Variants in TRPM4 observed in about 807,000 individuals in gnomAD.
TRPM4 encodes transient receptor potential cation channel subfamily M member 4.
Under a neutral mutation model 135.6 loss-of-function variants are expected in TRPM4, and 124 were observed. The observed-to-expected ratio is 0.91, with a 90% CI of 0.79 to 1.06. The LOEUF (loss-of-function observed/expected upper bound fraction) is 1.06. Ranked by LOEUF, TRPM4 falls within the 50% of genes least tolerant of loss-of-function variation. The probability of loss-of-function intolerance (pLI) is 0.00; values close to 1 mark genes in which losing one functional copy is unlikely to be tolerated. For synonymous variants in TRPM4, 745 were observed against 705.6 expected, an observed-to-expected ratio of 1.06 and a Z score of -0.88; for missense variants, 1,658 against 1,671.4, an observed-to-expected ratio of 0.99 and a Z score of 0.14.
rs1425957679 is a variant in TRPM4, at chr19:49,195,701, T to TTTC, written c.2211-738_2211-737insTCT. On this transcript the variant is annotated intron_variant, in intron 16 of 24. Transcript: ENST00000252826. Reference sequence around the variant, plus strand: ...TACTTTAATTTTTTTTTTTTTTTTTTTAGACAGGGTCTCGCTCTATTGCCC... The same window carrying TTTC: ...TACTTTAATTTTTTTTTTTTTTTTTTTTCTAGACAGGGTCTCGCTCTATTGCCC... Among the ~76,000 whole-genome samples, 197 of 149,878 alleles carry TTTC rather than the reference T, an allele frequency of 1.3e-3. 1 individual carries two copies. The highest frequency in any genetic ancestry group is 4.6e-3 in the African/African-American group (190 of 40,900).
chr19:49,189,575 C>A (rs1033595417), intron 14 of TRPM4, among the ~76,000 whole-genome samples: 5 of 150,108 alleles, frequency 3.3e-5, no homozygotes, highest in African/African-American at 1.2e-4. Flanking sequence ...AAACTTTGGT[C>A]TAGGAAATCT....
Position 49,201,944 on chromosome 19 carries a change from C to T in TRPM4, c.2954-20C>T, listed in dbSNP as rs551265287. The T allele has an allele frequency of 1.2e-6, 2 of 1,612,852 alleles. No homozygotes were observed. Among genetic ancestry groups the T allele is most frequent in the East Asian group, 2.2e-5 (1 of 44,876 alleles). On this transcript the variant is annotated intron_variant, in intron 19 of 24. Transcript: ENST00000252826. Reference sequence around the variant, plus strand: ...GGTCTCTGTCCCCCTCACCCCATCTCTGAATGTCTCTCTTCACAGTGGCCC... The same window carrying T: ...GGTCTCTGTCCCCCTCACCCCATCTTTGAATGTCTCTCTTCACAGTGGCCC...
intron 16 of TRPM4, among the ~76,000 whole-genome samples, chr19:49,191,428 C>T (rs906245523): frequency 2.0e-5 from 3 of 151,558 alleles, no homozygotes; most frequent in Non-Finnish European, 4.4e-5. Context: ...CTGGTGTCAA[C>T]CTCCTGACCT....
In TRPM4 at chr19:49,210,169, G is replaced by A. The variant is rs940822579; in HGVS notation, c.3132-40G>A. ...AACCTTCGTCCTTGCCCCTGGCTGG[G>A]CCCTGACCTCAAGTGACCTTTGACC... On this transcript the variant is annotated intron_variant, in intron 20 of 24. Transcript: ENST00000252826. This position sits in a 1 kb window ranked among gnomAD's most constrained non-coding sequence, Gnocchi z 4.1. 1.9e-6 allele frequency: 3 copies of A among 1,610,400 alleles called. No individual in the cohort carries two copies. The highest frequency in any genetic ancestry group is 1.7e-6 in the Non-Finnish European group (2 of 1,176,574).
chr19:49,163,518 G>T (rs1238389254), intron 2 of TRPM4, among the ~76,000 whole-genome samples: 1 of 151,930 alleles, frequency 6.6e-6, no homozygotes, highest in Non-Finnish European at 1.5e-5. Flanking sequence ...TAGTGACATG[G>T]TCTTGCTCTG....
chr19:49,205,551 T>G (rs1019539205), intron 20 of TRPM4, among the ~76,000 whole-genome samples: 2 of 146,284 alleles, frequency 1.4e-5, no homozygotes, highest in African/African-American at 5.2e-5. Flanking sequence ...TTTTTTTTTT[T>G]TGGAGACAGA....
chr19:49,201,988 G>T lies in TRPM4; in HGVS notation c.2978G>T (p.Cys993Phe), dbSNP rs1555763492. Residue 993 changes from cysteine (C) to phenylalanine (F), a missense_variant, in exon 20 of 25, where the codon TGC becomes TTC. By Grantham distance (205) the Cys-to-Phe change is radical. Coordinates refer to ENST00000252826, the MANE Select transcript of TRPM4 (RefSeq NM_017636.4). Reference protein sequence around the residue: ...MDVALMEHSNCSSEPGFWAHP... With the variant: ...MDVALMEHSNFSSEPGFWAHP... Reference sequence around the variant, plus strand: ...GTGGCCCTCATGGAGCACAGCAACTGCTCGTCGGAGCCCGGCTTCTGGGCA... The same window carrying T: ...GTGGCCCTCATGGAGCACAGCAACTTCTCGTCGGAGCCCGGCTTCTGGGCA... The T allele has an allele frequency of 1.2e-6, 2 of 1,613,730 alleles. No homozygotes were observed. Among genetic ancestry groups the T allele is most frequent in the Non-Finnish European group, 1.7e-6 (2 of 1,180,028 alleles).
chr19:49,200,555 G>T, intron 18 of TRPM4, 56 bp from the exon 19 acceptor site: 1 of 1,604,972 alleles, frequency 6.2e-7, no homozygotes, highest in Non-Finnish European at 8.5e-7. Flanking sequence ...TTGGGATATA[G>T]GGGTGGGGCC....
At chr19:49,188,249 G>T (rs7255702) in intron 12 of TRPM4, among the ~76,000 whole-genome samples, 3,323 of 152,190 alleles carry the variant, frequency 0.022, 135 homozygotes, top group African/African-American at 0.076. Flanking sequence ...AGATGGAGTC[G>T]GTTAGGTCTG....
chr19:49,160,497 A>AAAG (rs1966921286), intron 2 of TRPM4, among the ~76,000 whole-genome samples: 2 of 151,412 alleles, frequency 1.3e-5, no homozygotes, highest in African/African-American at 4.9e-5. Flanking sequence ...AAAAAAAAAA[A>AAAG]AAAGAAAGAA....
chr19:49,211,271 TCAG>T lies in TRPM4; in HGVS notation c.3640+3_3640+5del. On this transcript the variant is annotated splice_donor_5th_base_variant and intron_variant, in intron 24 of 24. Coordinates refer to ENST00000252826, the MANE Select transcript of TRPM4 (RefSeq NM_017636.4). This position sits in a 1 kb window ranked among gnomAD's most constrained non-coding sequence, Gnocchi z 4.8. ...CCCCTGACCTGCCTGGGTCCAAAGG[TCAG>T]TGTGTAGCATCAGCCTGTGCATCTC... 6.3e-7 allele frequency: 1 copy of T among 1,580,680 alleles called. No homozygotes were observed. The highest frequency in any genetic ancestry group is 8.6e-7 in the Non-Finnish European group (1 of 1,164,624).
chr19:49,196,682 A>G lies in TRPM4; in HGVS notation c.2453A>G (p.Tyr818Cys), dbSNP rs761147699. ...APPGSLELLL[Y>C]FWAFTLLCEE... ...CCCGGCTCCCTGGAGCTGCTGCTCT[A>G]TTTCTGGGCTTTCACGCTGCTGTGC... Residue 818 changes from tyrosine (Y) to cysteine (C), a missense_variant, in exon 17 of 25, where the codon TAT (tyrosine) becomes TGT (cysteine). Physicochemically the swap from Tyr to Cys is radical, Grantham distance 194. Transcript: ENST00000252826. The G allele has an allele frequency of 3.2e-6, 5 of 1,550,676 alleles. No homozygotes were observed. Among genetic ancestry groups the G allele is most frequent in the East Asian group, 4.8e-5 (2 of 41,854 alleles).
rs571143060 is a variant in TRPM4 at position 49,183,342 on chromosome 19, A to G, written c.1743+130A>G. 2.3e-4 allele frequency: 255 copies of G among 1,100,120 alleles called. No homozygotes were observed. In the Middle Eastern group the frequency reaches 2.4e-3, roughly 10 times the overall value. The allele number at this position is 1,100,120 out of a possible 1,614,324, so 68.1% of individuals were successfully genotyped here. On this transcript the variant is annotated intron_variant, in intron 12 of 24. Transcript: ENST00000252826. ...ACAGGCGCCCCATCCTCCGTCGCTG[A>G]TATATGCCTCCAACTGCTTCCTCTT... is the stretch of plus-strand genomic sequence containing the variant.
At chr19:49,163,282 G>A (rs905892725) in intron 2 of TRPM4, among the ~76,000 whole-genome samples, 2 of 150,138 alleles carry the variant, frequency 1.3e-5, no homozygotes, top group South Asian at 2.1e-4. Context: ...CACAACCTCC[G>A]TCTCCCAGGT....
intron 2 of TRPM4, among the ~76,000 whole-genome samples, chr19:49,164,369 T>C (rs1158611569): frequency 2.0e-5 from 1 of 51,146 alleles, no homozygotes; most frequent in African/African-American, 7.8e-5. Context: ...CCTTAGTTTT[T>C]TTTTTTTTTT....
chr19:49,179,691 G>T (rs1422079353), intron 9 of TRPM4, among the ~76,000 whole-genome samples: 1 of 152,204 alleles, frequency 6.6e-6, no homozygotes, highest in Non-Finnish European at 1.5e-5. Context: ...TCCTTCTTTT[G>T]AAACTGTGGG....
At chr19:49,199,025 C>G (rs564537789) in intron 17 of TRPM4, among the ~76,000 whole-genome samples, 2 of 152,280 alleles carry the variant, frequency 1.3e-5, no homozygotes, top group African/African-American at 4.8e-5. Context: ...CATTTCCACA[C>G]CTGCCATCAG....
At chr19:49,175,450 C>G (rs1041378834) in intron 9 of TRPM4, among the ~76,000 whole-genome samples, 5 of 151,966 alleles carry the variant, frequency 3.3e-5, no homozygotes, top group Non-Finnish European at 7.4e-5. Context: ...CTAAAGCTAT[C>G]TGCCCATCTC....
At chr19:49,159,605 C>T (rs1207288927) in intron 2 of TRPM4, 1 of 152,162 alleles carries the variant, frequency 6.6e-6, no homozygotes, top group East Asian at 1.9e-4. Context: ...GCCTCAGCCT[C>T]CCTAGTAGCT....
Sources: gnomAD v4.1 joint callset for allele counts (sites outside exome capture counted in the v4.1 genomes callset) on GRCh38, gnomAD v4.1.1 for gene constraint, Gnocchi (gnomAD v3.1) non-coding constraint, MANE v1.5 for transcripts, NCBI Gene and HGNC (gene_info 2026-07-23, HGNC 2026-07-21) for gene names.